EVC: variants seen among roughly 807,000 people sequenced by gnomAD.
EVC encodes the protein evC complex member EVC.
Under a neutral mutation model 118.9 loss-of-function variants are expected in EVC, and 116 were observed. The observed-to-expected ratio is 0.98, with a 90% confidence interval of 0.84 to 1.14. EVC has a LOEUF of 1.14. EVC is among the 50% of genes most tolerant of loss of function. The probability of loss-of-function intolerance (pLI) is 0.00; values close to 1 mark genes in which losing one functional copy is unlikely to be tolerated. For synonymous variants in EVC, 619 were observed against 534.7 expected, an observed-to-expected ratio of 1.16 and a Z score of -2.18; for missense variants, 1,401 against 1,246.4, an observed-to-expected ratio of 1.12 and a Z score of -1.87.
At chr4:5,821,915 G>C in the EVC span, 1 of 1,288,976 alleles carries the variant, frequency 7.8e-7, no homozygotes, top group Non-Finnish European at 1.0e-6. This position sits in a 1 kb window ranked among gnomAD's most constrained non-coding sequence, Gnocchi z 4.4. Context: ...GCTGCTCCTG[G>C]AGGCCATGTA....
At chr4:5,740,470 CAAAAAAAA>C (rs59318619) in intron 5 of EVC, among the ~76,000 whole-genome samples, 1 of 105,578 alleles carries the variant, frequency 9.5e-6, no homozygotes, top group Non-Finnish European at 2.0e-5. Context: ...TACTCCATCT[CAAAAAAAA>C]AAAAAAAAAG....
At chr4:5,825,608 C>T in the EVC span, 1 of 1,605,642 alleles carries the variant, frequency 6.2e-7, no homozygotes, top group East Asian at 2.3e-5. This position sits in a 1 kb window ranked among gnomAD's most constrained non-coding sequence, Gnocchi z 4.4. Context: ...GCTGGTACCT[C>T]GTACACAGGA....
chr4:5,738,793 C>T lies in EVC; in HGVS notation c.703-2923C>T, dbSNP rs1560309355. 6.6e-6 allele frequency among the ~76,000 whole-genome samples: 1 copy of T among 152,066 alleles called. No individual in the cohort carries two copies. The highest frequency in any genetic ancestry group is 1.5e-5 in the Non-Finnish European group (1 of 68,018). The stretch of plus-strand genomic sequence containing the variant: ...TGTTGGCCAGGATGGGTCTCAATCT[C>T]TTGACCTTGTGATCCACCTGCCTCC... On this transcript the variant is annotated intron_variant, in intron 5 of 20. Coordinates refer to ENST00000264956, the MANE Select transcript of EVC (RefSeq NM_153717.3). This position sits in a 1 kb window ranked among gnomAD's most constrained non-coding sequence, Gnocchi z 6.5.
At chr4:5,823,611 T>C in the EVC span, among the ~76,000 whole-genome samples, 1 of 150,738 alleles carries the variant, frequency 6.6e-6, no homozygotes. Flanking sequence ...ATTCTTGCTC[T>C]ATTAGCTCTC....
At chr4:5,808,080 GCCAGGCC>G in intron 17 of EVC, 114 bp from the exon 18 acceptor site, 1 of 812,440 alleles carries the variant, frequency 1.2e-6, no homozygotes, top group Non-Finnish European at 2.0e-6. Flanking sequence ...GCCCCCGATG[GCCAGGCC>G]CCTCTTGGGG....
intron 11 of EVC, among the ~76,000 whole-genome samples, chr4:5,771,485 G>C (rs756077412): frequency 6.6e-6 from 1 of 152,142 alleles, no homozygotes; most frequent in African/African-American, 2.4e-5. Flanking sequence ...TCCCACCTGC[G>C]AAGTCTCTTT....
chr4:5,803,182 C>G (rs1007414291), intron 16 of EVC, among the ~76,000 whole-genome samples: 1 of 152,242 alleles, frequency 6.6e-6, no homozygotes, highest in Non-Finnish European at 1.5e-5. Context: ...ACAACACCCT[C>G]CCCTGAATCC....
intron 13 of EVC, among the ~76,000 whole-genome samples, chr4:5,795,036 G>A (rs1255130717): frequency 6.6e-6 from 1 of 152,140 alleles, no homozygotes; most frequent in South Asian, 2.1e-4. Context: ...GCTTCCAGCT[G>A]CATCCATGTT....
intron 11 of EVC, among the ~76,000 whole-genome samples, chr4:5,760,261 T>A (rs1291355552): frequency 6.6e-6 from 1 of 152,058 alleles, no homozygotes; most frequent in African/African-American, 2.4e-5. Context: ...GGTAACTACA[T>A]CAGTTTCAAT....
chr4:5,786,216 G>GTT (rs1711563389), intron 12 of EVC, among the ~76,000 whole-genome samples: 1 of 152,192 alleles, frequency 6.6e-6, no homozygotes, highest in South Asian at 2.1e-4. Flanking sequence ...GATAATGCAA[G>GTT]TTAAGACCTT....
chr4:5,748,929 C>T, intron 8 of EVC, among the ~76,000 whole-genome samples: 1 of 101,124 alleles, frequency 9.9e-6, no homozygotes, highest in Non-Finnish European at 2.6e-5. Flanking sequence ...TTCTTGGGCC[C>T]CAGATGGGTC....
In EVC at chr4:5,810,934, CT is replaced by C. The variant is rs761097524; in HGVS notation, c.2895-16del. On this transcript the variant is annotated intron_variant, in intron 20 of 20. Coordinates refer to ENST00000264956, the MANE Select transcript of EVC (RefSeq NM_153717.3). ...TGGAGTCAGCGTTCTAACTGGCTGC[CT>C]TTCTTCTCTGTTTTAAGCAGCAAAA... The C allele has an allele frequency of 1.4e-5, 22 of 1,606,822 alleles. No homozygotes were observed. The African/African-American group carries it at 3.0e-4, about 22-fold the overall frequency.
chr4:5,741,103 A>G (rs551920704), intron 5 of EVC, among the ~76,000 whole-genome samples: 7 of 152,338 alleles, frequency 4.6e-5, no homozygotes, highest in African/African-American at 1.4e-4. Flanking sequence ...CATTTATCTC[A>G]GAGAAATGAG....
At chr4:5,799,836 G>A (rs531749617) in intron 15 of EVC, among the ~76,000 whole-genome samples, 1 of 152,312 alleles carries the variant, frequency 6.6e-6, no homozygotes, top group East Asian at 1.9e-4. Flanking sequence ...ATCTGCCTCA[G>A]ATTATCCAAA....
At chr4:5,821,924 T>C in the EVC span, 1 of 1,187,230 alleles carries the variant, frequency 8.4e-7, no homozygotes, top group Non-Finnish European at 1.1e-6. This position sits in a 1 kb window ranked among gnomAD's most constrained non-coding sequence, Gnocchi z 4.4. Flanking sequence ...GGAGGCCATG[T>C]ACTCTGCCAT....
intron 11 of EVC, among the ~76,000 whole-genome samples, chr4:5,759,855 G>A (rs148329500): frequency 2.0e-4 from 31 of 152,324 alleles, no homozygotes; most frequent in South Asian, 6.2e-4. Flanking sequence ...CTGACGACAC[G>A]CGCCCAAGGG....
chr4:5,825,651 T>C, the EVC span: 3 of 1,611,854 alleles, frequency 1.9e-6, no homozygotes, highest in African/African-American at 4.0e-5. The surrounding 1 kb of genome is among the most constrained non-coding windows in gnomAD (Gnocchi z 4.4). Context: ...CCCCTTGCAA[T>C]CCAAAAACCT....
rs369872898 is a variant in EVC, at chr4:5,756,375, T to C, written c.1563+13T>C. The C allele has an allele frequency of 1.3e-6, 2 of 1,597,104 alleles. No homozygotes were observed. ...TGCACTCTGCCAGGTACATGGCCTC[T>C]GTGGGGACCAGCAGAGAAGCCCCAG... On this transcript the variant is annotated intron_variant, in intron 11 of 20. Transcript: ENST00000264956. This position sits in a 1 kb window ranked among gnomAD's most constrained non-coding sequence, Gnocchi z 4.2.
chr4:5,716,454 T>A (rs537456162), intron 1 of EVC, among the ~76,000 whole-genome samples: 1 of 152,342 alleles, frequency 6.6e-6, no homozygotes, highest in South Asian at 2.1e-4. Context: ...CTCAGGCTCC[T>A]GGTCATGACT....
Sources: gnomAD v4.1 joint callset for allele counts (sites outside exome capture counted in the v4.1 genomes callset) on GRCh38, gnomAD v4.1.1 for gene constraint, Gnocchi (gnomAD v3.1) non-coding constraint, MANE v1.5 for transcripts, NCBI Gene and HGNC (gene_info 2026-07-23, HGNC 2026-07-21) for gene names.